SMG6: variants seen among roughly 807,000 people sequenced by gnomAD.
SMG6 encodes telomerase-binding protein EST1A.
SMG6 carries 66 observed loss-of-function variants against 142.2 expected under a neutral mutation model. That is an observed-to-expected ratio of 0.46 (90% CI 0.38 to 0.57). SMG6 has a LOEUF of 0.57. Among genes scored for constraint, SMG6 ranks in the 20% least tolerant of loss-of-function variants. The pLI, the probability that SMG6 is intolerant of heterozygous loss-of-function variation, is 0.00. For synonymous variants in SMG6, 779 were observed against 702.4 expected, an observed-to-expected ratio of 1.11 and a Z score of -1.72; for missense variants, 1,793 against 1,832.0, an observed-to-expected ratio of 0.98 and a Z score of 0.39.
intron 12 of SMG6, among the ~76,000 whole-genome samples, chr17:2,178,083 C>A (rs904680872): frequency 6.6e-6 from 1 of 152,142 alleles, no homozygotes; most frequent in East Asian, 1.9e-4. Context: ...GAATAATACC[C>A]GGGCTTGAAA....
intron 13 of SMG6, among the ~76,000 whole-genome samples, chr17:2,124,439 G>T (rs1402851882): frequency 2.0e-5 from 3 of 152,154 alleles, no homozygotes; most frequent in Non-Finnish European, 4.4e-5. Flanking sequence ...GGCAGGCCAG[G>T]GAACAAAGTT....
At chr17:2,120,787 A>G (rs556439742) in intron 13 of SMG6, among the ~76,000 whole-genome samples, 50 of 152,302 alleles carry the variant, frequency 3.3e-4, no homozygotes, top group African/African-American at 9.4e-4. Context: ...CAAAAATGAT[A>G]TATCACCAGT....
intron 10 of SMG6, among the ~76,000 whole-genome samples, chr17:2,211,843 T>C (rs1374475083): frequency 6.6e-6 from 1 of 152,162 alleles, no homozygotes; most frequent in Non-Finnish European, 1.5e-5. Flanking sequence ...CCTCTGGGTG[T>C]GGCTGGGGAT....
At chr17:2,208,087 C>T (rs1455548845) in intron 10 of SMG6, among the ~76,000 whole-genome samples, 2 of 152,096 alleles carry the variant, frequency 1.3e-5, no homozygotes, top group African/African-American at 4.8e-5. Context: ...AATGTTCGTG[C>T]CACCGCACTC....
At chr17:2,072,942 C>G (rs2068146638) in intron 15 of SMG6, 1 of 152,220 alleles carries the variant, frequency 6.6e-6, no homozygotes, top group Non-Finnish European at 1.5e-5. Flanking sequence ...CAATAAATGC[C>G]AGCTTCCTTT....
intron 16 of SMG6, among the ~76,000 whole-genome samples, chr17:2,066,709 C>T (rs115154194): frequency 0.012 from 1,484 of 128,610 alleles, 27 homozygotes; most frequent in African/African-American, 0.037. Flanking sequence ...CCCATGCTTT[C>T]GGCACCCTGA....
chr17:2,188,783 G>A (rs545859561), intron 10 of SMG6, among the ~76,000 whole-genome samples: 2 of 152,300 alleles, frequency 1.3e-5, no homozygotes, highest in East Asian at 3.9e-4. Context: ...AGGGCAGTCT[G>A]AGCTGGAGCT....
In SMG6 at chr17:2,183,745, GACACACACACACACACACACAC is replaced by G. The variant is rs56210030; in HGVS notation, c.3155+2896_3155+2917del. ...GCTGATCCCTGATACAGGTGCGTGC[GACACACACACACACACACACAC>G]ACACACACACACACACACACACACA... is the stretch of plus-strand genomic sequence containing the variant. On this transcript the variant is annotated intron_variant, in intron 12 of 18. Coordinates refer to ENST00000263073, the MANE Select transcript of SMG6 (RefSeq NM_017575.5). 1.6e-3 allele frequency among the ~76,000 whole-genome samples: 227 copies of G among 146,448 alleles called. 2 individuals are homozygous for G. Among genetic ancestry groups the G allele is most frequent in the African/African-American group, 5.3e-3 (211 of 39,866 alleles).
At chr17:2,236,393 T>C (rs1231636044) in intron 10 of SMG6, 99 bp downstream of exon 10, 2 of 1,107,870 alleles carry the variant, frequency 1.8e-6, no homozygotes, top group Non-Finnish European at 2.5e-6. Context: ...GGGGGTGGGG[T>C]GGGGGGAGGT....
chr17:2,284,303 G>T (rs766481964), intron 6 of SMG6, among the ~76,000 whole-genome samples: 4 of 152,116 alleles, frequency 2.6e-5, no homozygotes, highest in Non-Finnish European at 5.9e-5. Flanking sequence ...GTTGTCCACT[G>T]TCTCACACTT....
intron 10 of SMG6, among the ~76,000 whole-genome samples, chr17:2,198,854 T>C (rs1368645378): frequency 6.6e-6 from 1 of 151,082 alleles, no homozygotes; most frequent in Non-Finnish European, 1.5e-5. Context: ...CATCTTCTGC[T>C]GCCTGGCCTG....
intron 13 of SMG6, chr17:2,087,133 C>A (rs1487957248): frequency 4.6e-6 from 6 of 1,290,520 alleles, no homozygotes; most frequent in South Asian, 1.2e-5. Flanking sequence ...ATGTGGACAG[C>A]AACCCCTCTG....
chr17:2,086,781 C>T (rs182714638), intron 13 of SMG6, among the ~76,000 whole-genome samples: 1 of 152,340 alleles, frequency 6.6e-6, no homozygotes, highest in African/African-American at 2.4e-5. Context: ...CTCACACTCT[C>T]CTCCATGCTT....
intron 13 of SMG6, among the ~76,000 whole-genome samples, chr17:2,141,906 T>A (rs1022458339): frequency 6.6e-6 from 1 of 152,232 alleles, no homozygotes; most frequent in African/African-American, 2.4e-5. Context: ...TCCTTTGTAA[T>A]CAATCTGATC....
intron 15 of SMG6, chr17:2,073,082 T>C (rs933584213): frequency 2.0e-5 from 3 of 152,002 alleles, no homozygotes; most frequent in East Asian, 3.9e-4. Context: ...TTTTTTGTTT[T>C]GTTTTGTTTT....
rs371122774 is a variant in SMG6, at chr17:2,139,131, C to T, written c.3357+33527G>A. 3.9e-5 allele frequency among the ~76,000 whole-genome samples: 6 copies of T among 152,290 alleles called. No homozygotes were observed. In the South Asian group the frequency reaches 1.0e-3, roughly 26 times the overall value. ...AAGACAGTAACTATACAGGTGAAGTCTGTTAAACCCTAAAAAAGGGAGATG... is the reference window on the plus strand; with the variant it reads ...AAGACAGTAACTATACAGGTGAAGTTTGTTAAACCCTAAAAAAGGGAGATG... On this transcript the variant is annotated intron_variant, in intron 13 of 18. Transcript: ENST00000263073.
intron 1 of SMG6, 57 bp downstream of exon 1, chr17:2,303,576 G>A: frequency 2.2e-6 from 3 of 1,373,934 alleles, no homozygotes; most frequent in Non-Finnish European, 2.8e-6. Context: ...GGCAGAGGAG[G>A]AGGAGAGGGA....
intron 13 of SMG6, among the ~76,000 whole-genome samples, chr17:2,148,674 C>A (rs985811084): frequency 2.0e-5 from 3 of 152,126 alleles, no homozygotes; most frequent in African/African-American, 7.2e-5. Context: ...ACCTGGACAA[C>A]ATGCCAAGAC....
intron 9 of SMG6, among the ~76,000 whole-genome samples, chr17:2,240,757 A>T (rs1417126044): frequency 2.6e-5 from 4 of 152,246 alleles, no homozygotes; most frequent in African/African-American, 7.2e-5. Flanking sequence ...CGCAGTGTGG[A>T]GCACCAGGCA....
Sources: gnomAD v4.1 joint callset for allele counts (sites outside exome capture counted in the v4.1 genomes callset) on GRCh38, gnomAD v4.1.1 for gene constraint, MANE v1.5 for transcripts, NCBI Gene and HGNC (gene_info 2026-07-23, HGNC 2026-07-21) for gene names.